CCDC144A: variants seen among roughly 807,000 people sequenced by gnomAD.
The protein encoded by CCDC144A is coiled-coil domain containing 144A.
A neutral mutation model predicts 143.8 loss-of-function variants in CCDC144A; 41 were observed. The ratio of observed to expected loss-of-function variants is 0.29; its 90% CI spans 0.22 to 0.37. CCDC144A has a LOEUF of 0.37. CCDC144A is among the 10% of genes least tolerant of loss of function. The pLI is 1.00. For synonymous variants in CCDC144A, 242 were observed against 517.9 expected, an observed-to-expected ratio of 0.47 and a Z score of 7.23; for missense variants, 637 against 1,488.8, an observed-to-expected ratio of 0.43 and a Z score of 9.41.
upstream of CCDC144A, among the ~76,000 whole-genome samples, chr17:16,685,235 C>T (rs1910737975): frequency 6.6e-6 from 1 of 152,138 alleles, no homozygotes; most frequent in African/African-American, 2.4e-5. Context: ...TCATGTTACC[C>T]AGGCTGGTCT....
intron 9 of CCDC144A, 194 bp from the exon 10 acceptor site, chr17:16,731,606 C>T (rs1294710780): frequency 1.5e-5 from 2 of 131,822 alleles, no homozygotes; most frequent in African/African-American, 2.9e-5. Flanking sequence ...TTTCTTTCCT[C>T]ACTACCTCTC....
chr17:16,682,883 G>GTTT, the CCDC144A span, among the ~76,000 whole-genome samples: 374 of 46,440 alleles, frequency 8.1e-3, 145 homozygotes, highest in Non-Finnish European at 0.015. Flanking sequence ...TGGATTCTCT[G>GTTT]TTTTTTTTTT....
chr17:16,770,083 C>T (rs1482172328), intron 15 of CCDC144A, among the ~76,000 whole-genome samples: 1 of 151,836 alleles, frequency 6.6e-6, no homozygotes, highest in Non-Finnish European at 1.5e-5. Context: ...AATTCAGCCT[C>T]CCAAAGTGCT....
intron 12 of CCDC144A, chr17:16,737,448 G>A (rs1597571987): frequency 1.2e-5 from 15 of 1,247,382 alleles, no homozygotes; most frequent in East Asian, 5.7e-5. Flanking sequence ...TTACAGGCGT[G>A]AGCCACCGCG....
chr17:16,675,011 G>A, the CCDC144A span, among the ~76,000 whole-genome samples: 3 of 148,854 alleles, frequency 2.0e-5, no homozygotes, highest in African/African-American at 5.0e-5. Flanking sequence ...GCTCATGCCT[G>A]TAATCCCAGC....
At position 16,761,094 on chromosome 17, in the gene CCDC144A, G is replaced by A. The variant is rs550258942; in HGVS notation, c.3373-331G>A. On this transcript the variant is annotated intron_variant, in intron 12 of 16. Coordinates refer to ENST00000399273, the MANE Select transcript of CCDC144A (RefSeq NM_001382000.1). Reference sequence around the variant, plus strand: ...TGTAATCTCAGCACTTTGGGAGGCCGAGGCGAGTGGATCATGAGGTCAGGA... The same window carrying A: ...TGTAATCTCAGCACTTTGGGAGGCCAAGGCGAGTGGATCATGAGGTCAGGA... Among the ~76,000 whole-genome samples, 1,166 of 151,290 alleles carry A rather than the reference G, an allele frequency of 7.7e-3. 10 individuals are homozygous for A. The highest frequency in any genetic ancestry group is 0.027 in the African/African-American group (1,093 of 41,050).
At chr17:16,729,112 G>A (rs1913580162) in intron 9 of CCDC144A, among the ~76,000 whole-genome samples, 1 of 152,166 alleles carries the variant, frequency 6.6e-6, no homozygotes, top group African/African-American at 2.4e-5. Context: ...TGCCCAGTAG[G>A]GGATTGTTGG....
chr17:16,667,150 A>T, the CCDC144A span: 1 of 154,970 alleles, frequency 6.5e-6, no homozygotes, highest in East Asian at 1.9e-4. Context: ...GAAAACCGGC[A>T]GGAGGCTGCG....
At chr17:16,726,380 C>CAAA (rs1172386875) in intron 8 of CCDC144A, among the ~76,000 whole-genome samples, 17 of 69,870 alleles carry the variant, frequency 2.4e-4, no homozygotes, top group African/African-American at 7.9e-4. Context: ...GACTCCGTCT[C>CAAA]AAAAAAAAAA....
chr17:16,758,204 A>G (rs1233975682), intron 12 of CCDC144A, among the ~76,000 whole-genome samples: 5 of 151,402 alleles, frequency 3.3e-5, no homozygotes, highest in African/African-American at 1.2e-4. Flanking sequence ...TACCACTTGA[A>G]AAACACACTA....
chr17:16,753,672 G>A (rs1338738667), intron 12 of CCDC144A, among the ~76,000 whole-genome samples: 1 of 152,066 alleles, frequency 6.6e-6, no homozygotes, highest in East Asian at 1.9e-4. Flanking sequence ...CTCTTTTGGT[G>A]GCGTGTTTAT....
At chr17:16,712,726 A>G (rs1485064414) in intron 6 of CCDC144A, among the ~76,000 whole-genome samples, 2 of 152,230 alleles carry the variant, frequency 1.3e-5, no homozygotes, top group African/African-American at 4.8e-5. Flanking sequence ...ATAAGGAAAT[A>G]GTACAATTGT....
At chr17:16,684,096 C>A in the CCDC144A span, 2 of 1,019,376 alleles carry the variant, frequency 2.0e-6, no homozygotes, top group Non-Finnish European at 3.1e-6. Flanking sequence ...AGTATGTTTA[C>A]GATAAATGGT....
chr17:16,709,659 C>G (rs756355442), intron 5 of CCDC144A, 24 bp downstream of exon 5: 35 of 1,603,060 alleles, frequency 2.2e-5, no homozygotes, highest in Non-Finnish European at 2.8e-5. Flanking sequence ...TGCTGCCACT[C>G]TTTGTTTTTT....
intron 12 of CCDC144A, among the ~76,000 whole-genome samples, chr17:16,753,725 GTTTGACTTTCTGTT>G (rs2143331653): frequency 6.6e-6 from 1 of 152,270 alleles, no homozygotes; most frequent in African/African-American, 2.4e-5. Context: ...CAGGGAGACA[GTTTGACTTTCTGTT>G]TTCCAATCTG....
intron 2 of CCDC144A, among the ~76,000 whole-genome samples, chr17:16,702,826 G>T (rs1597536672): frequency 6.6e-6 from 1 of 151,934 alleles, no homozygotes; most frequent in East Asian, 1.9e-4. Context: ...GAAGAGTGGG[G>T]TATTAGAAAG....
At chr17:16,748,239 T>C (rs1321612026) in intron 12 of CCDC144A, among the ~76,000 whole-genome samples, 1 of 152,106 alleles carries the variant, frequency 6.6e-6, no homozygotes, top group African/African-American at 2.4e-5. Context: ...TGTTATAGAG[T>C]GGCCTTTATT....
At chr17:16,687,356 C>T (rs1444178893), upstream of CCDC144A, among the ~76,000 whole-genome samples, 1 of 152,068 alleles carries the variant, frequency 6.6e-6, no homozygotes, top group African/African-American at 2.4e-5. Flanking sequence ...CCCCCTCCCC[C>T]GCCGCCCCCC....
chr17:16,714,800 A>G (rs1205800223), intron 6 of CCDC144A, among the ~76,000 whole-genome samples: 1 of 151,896 alleles, frequency 6.6e-6, no homozygotes, highest in Non-Finnish European at 1.5e-5. Flanking sequence ...CTAGAAGGCA[A>G]CACACAATAT....
Sources: allele counts gnomAD v4.1 joint callset (sites outside exome capture counted in the v4.1 genomes callset), GRCh38; gene constraint gnomAD v4.1.1; transcripts MANE v1.5; gene names NCBI Gene and HGNC (gene_info 2026-07-23, HGNC 2026-07-21).